The following LPIN2 variants were observed in gnomAD, a reference collection of about 807,000 sequenced individuals.
The protein encoded by LPIN2 is lipin 2, also known as phosphatidate phosphatase LPIN2.
In LPIN2, 55 loss-of-function variants were observed where a neutral mutation model predicts 111.4. That is an observed-to-expected ratio of 0.49 (90% CI 0.40 to 0.62). LPIN2 has a LOEUF of 0.62. Among genes scored for constraint, LPIN2 ranks in the 20% least tolerant of loss-of-function variants. The pLI, the probability that LPIN2 is intolerant of heterozygous loss-of-function variation, is 0.00. For synonymous variants in LPIN2, 425 were observed against 414.0 expected, an observed-to-expected ratio of 1.03 and a Z score of -0.32; for missense variants, 992 against 1,112.1, an observed-to-expected ratio of 0.89 and a Z score of 1.54.
intron 1 of LPIN2, among the ~76,000 whole-genome samples, chr18:2,976,864 A>G (rs1321452507): frequency 6.6e-6 from 1 of 152,216 alleles, no homozygotes; most frequent in African/African-American, 2.4e-5. Flanking sequence ...GAGCCTTTGG[A>G]TCCACAGATA....
intron 1 of LPIN2, among the ~76,000 whole-genome samples, chr18:2,977,914 C>T (rs1362860101): frequency 1.3e-5 from 2 of 152,008 alleles, no homozygotes; most frequent in Non-Finnish European, 2.9e-5. Flanking sequence ...GAGGAGAGGC[C>T]GGGCTCGGTG....
At chr18:2,963,553 G>A (rs1195304023) in intron 1 of LPIN2, among the ~76,000 whole-genome samples, 1 of 151,910 alleles carries the variant, frequency 6.6e-6, no homozygotes, top group Non-Finnish European at 1.5e-5. Flanking sequence ...AAATGTGGGA[G>A]GACAAAATAA....
At position 2,929,066 on chromosome 18, in the gene LPIN2, G is replaced by A. The variant is rs781071052; in HGVS notation, c.1549C>T (p.Arg517Cys). 20 of 1,560,770 alleles carry A rather than the reference G, an allele frequency of 1.3e-5. No homozygotes were observed. Among genetic ancestry groups the A allele is most frequent in the Admixed American group, 5.0e-5 (3 of 59,838 alleles). ...NPNLVIRIYN[R>C]YYNWALAAPM... ...AATTATAAAAGCAGGAGTATTTACC[G>A]ATTATATATCCTTATTACAAGGTTA... The change falls in exon 10 of 20, where the codon CGT (arginine) becomes TGT (cysteine). Residue 517 changes from arginine to cysteine, a missense_variant and splice_region_variant. Coordinates refer to ENST00000677752, the MANE Select transcript of LPIN2 (RefSeq NM_001375808.2).
chr18:2,918,422 G>A lies in LPIN2; in HGVS notation c.*1871C>T, dbSNP rs988315804. On this transcript the variant is annotated 3_prime_UTR_variant, in exon 20 of 20. Coordinates refer to ENST00000677752, the MANE Select transcript of LPIN2 (RefSeq NM_001375808.2). ...GCTCTCATTCTTCCTCTAAATAGAA[G>A]GTAGTCAAGAGGACACACAGATGGC... 5 of 152,210 alleles carry A rather than the reference G, an allele frequency of 3.3e-5. No individual in the cohort carries two copies. Among genetic ancestry groups the A allele is most frequent in the African/African-American group, 9.6e-5 (4 of 41,460 alleles). 9.4% of individuals were successfully genotyped at this position (152,210 alleles called of 1,614,324 possible).
At chr18:2,943,164 T>C (rs536016822) in intron 4 of LPIN2, among the ~76,000 whole-genome samples, 20 of 151,998 alleles carry the variant, frequency 1.3e-4, no homozygotes, top group Non-Finnish European at 2.6e-4. Context: ...TTACGGTCTG[T>C]GAATATTGCT....
At chr18:2,921,764 ATCTTTCCTTCTCCT>A in intron 17 of LPIN2, 117 bp from the exon 18 acceptor site, 1 of 825,578 alleles carries the variant, frequency 1.2e-6, no homozygotes. Context: ...TGTAACTGGA[ATCTTTCCTTCTCCT>A]TCTTTGCCAG....
chr18:2,950,937 T>C (rs1305819762), intron 4 of LPIN2, 118 bp downstream of exon 4: 1 of 1,074,338 alleles, frequency 9.3e-7, no homozygotes, highest in Non-Finnish European at 1.4e-6. Flanking sequence ...CAATAAACTG[T>C]AAAGGGGGAA....
chr18:2,930,977 C>A (rs976489602), intron 9 of LPIN2, among the ~76,000 whole-genome samples: 1 of 152,118 alleles, frequency 6.6e-6, no homozygotes, highest in East Asian at 1.9e-4. Flanking sequence ...GATGATCGCA[C>A]CCTGGCAGCT....
chr18:2,949,708 G>C lies in LPIN2; in HGVS notation c.590+1347C>G, dbSNP rs190367887. 4.6e-5 allele frequency among the ~76,000 whole-genome samples: 7 copies of C among 152,206 alleles called. No homozygotes were observed. In the East Asian group the frequency reaches 1.3e-3, roughly 29 times the overall value. ...GTTTAATTCTAAGATTTAAAATCTA[G>C]ATTTCAAAATTTTGGAAAATGAATT... On this transcript the variant is annotated intron_variant, in intron 4 of 19. Transcript: ENST00000677752.
rs1454039880 is a variant in LPIN2 at position 2,938,028 on chromosome 18, T to C, written c.832A>G (p.Arg278Gly). 1.2e-6 allele frequency: 2 copies of C among 1,613,540 alleles called. No homozygotes were observed. The highest frequency in any genetic ancestry group is 3.3e-5 in the Admixed American group (2 of 60,020). Residue 278 changes from arginine (R) to glycine (G), a missense_variant, in exon 7 of 20, where the codon AGA becomes GGA. Transcript: ENST00000677752. Reference sequence around the variant, plus strand: ...CTAGGATGATGGTCAGATCGTTCTCTTTTGCTGACCTAAAAAAGTTAAATT... The same window carrying C: ...CTAGGATGATGGTCAGATCGTTCTCCTTTGCTGACCTAAAAAAGTTAAATT... Reference protein sequence around the residue: ...GFPESTKVSKRERSDHHPRTA... With the variant: ...GFPESTKVSKGERSDHHPRTA...
At chr18:2,921,683 A>C (rs922171767) in intron 17 of LPIN2, 36 bp from the exon 18 acceptor site, 5 of 1,465,428 alleles carry the variant, frequency 3.4e-6, no homozygotes, top group Admixed American at 3.3e-5. Context: ...ACCAATCTCA[A>C]AATGGTCGTT....
intron 1 of LPIN2, among the ~76,000 whole-genome samples, chr18:2,981,305 A>G (rs936955859): frequency 1.3e-5 from 2 of 152,222 alleles, no homozygotes. Flanking sequence ...CAGGCTACTA[A>G]GCAGATATCA....
In LPIN2 at chr18:2,928,573, G is replaced by T; in HGVS notation, c.1620+18C>A. On this transcript the variant is annotated intron_variant, in intron 11 of 19. Coordinates refer to ENST00000677752, the MANE Select transcript of LPIN2 (RefSeq NM_001375808.2). ...TGCGGATGCTTTCGGAAAGGCAGCA[G>T]ATGGTGGATCGCCTCACCTTAGGCA... is the stretch of plus-strand genomic sequence containing the variant. 6.2e-7 allele frequency: 1 copy of T among 1,613,750 alleles called. No individual in the cohort carries two copies. Among genetic ancestry groups the T allele is most frequent in the Non-Finnish European group, 8.5e-7 (1 of 1,179,648 alleles).
chr18:2,958,579 C>G (rs1048634800), intron 2 of LPIN2, among the ~76,000 whole-genome samples: 8 of 152,134 alleles, frequency 5.3e-5, no homozygotes, highest in African/African-American at 1.4e-4. Flanking sequence ...AGTTTTCTCA[C>G]AGGAAAGCTG....
rs1323744102 is a variant in LPIN2, at chr18:2,954,548, C to T, written c.244G>A (p.Asp82Asn). 5.6e-6 allele frequency: 9 copies of T among 1,614,008 alleles called. No individual in the cohort carries two copies. The highest frequency in any genetic ancestry group is 7.6e-6 in the Non-Finnish European group (9 of 1,179,936). ...TCAACAAAGAAAGCTTCTCCGTTAT[C>T]ACCCAACTTCATGTGAAGATCCACT... ...SAVDLHMKLG[D>N]NGEAFFVEET... is the part of the protein sequence containing the mutation. The change falls in exon 3 of 20, where the codon GAT becomes AAT. Residue 82 changes from aspartate (D) to asparagine (N), a missense_variant. By Grantham distance (23) the Asp-to-Asn change is conservative (BLOSUM62 1). Coordinates refer to ENST00000677752, the MANE Select transcript of LPIN2 (RefSeq NM_001375808.2).
chr18:2,937,544 TAAAAAAAAA>T (rs71366618), intron 7 of LPIN2, 139 bp downstream of exon 7: 28 of 345,826 alleles, frequency 8.1e-5, no homozygotes, highest in Admixed American at 2.3e-4. Context: ...AAACTCCAGC[TAAAAAAAAA>T]AAAAAAAAAA....
chr18:2,928,640 G>A lies in LPIN2; in HGVS notation c.1571C>T (p.Ala524Val). The A allele has an allele frequency of 6.2e-7, 1 of 1,614,114 alleles. No homozygotes were observed. The highest frequency in any genetic ancestry group is 8.5e-7 in the Non-Finnish European group (1 of 1,180,004). Residue 524 changes from alanine (A) to valine (V), a missense_variant, in exon 11 of 20, where the codon GCA (alanine) becomes GTA (valine). This residue lies in a region of LPIN2 where 709 missense variants were observed against 753.2 expected (regional missense o/e 0.94). Coordinates refer to ENST00000677752, the MANE Select transcript of LPIN2 (RefSeq NM_001375808.2). ...TTGCAAGCTAAGGATCATGGGAGCT[G>A]CCAAAGCCCAGTTATAGTAACTGTG... ...IYNRYYNWAL[A>V]APMILSLQVF... is the part of the protein sequence containing the mutation.
chr18:2,939,857 T>C lies in LPIN2; in HGVS notation c.699-254A>G, dbSNP rs1334137299. ...AAACACTGTAGATTCATAATCTCAT[T>C]TGCTTTTCACAAGAAATCAATGAGA... On this transcript the variant is annotated intron_variant, in intron 5 of 19. Transcript: ENST00000677752. Among the ~76,000 whole-genome samples the C allele has an allele frequency of 2.0e-5, 3 of 152,354 alleles. No individual in the cohort carries two copies. The South Asian group carries it at 6.2e-4, about 32-fold the overall frequency.
intron 1 of LPIN2, among the ~76,000 whole-genome samples, chr18:2,989,508 T>A (rs538658421): frequency 2.0e-5 from 3 of 152,066 alleles, no homozygotes; most frequent in African/African-American, 7.2e-5. Flanking sequence ...GCAATCCCTA[T>A]CAAAATTCCA....
Sources: gnomAD v4.1 joint callset for allele counts (sites outside exome capture counted in the v4.1 genomes callset) on GRCh38, gnomAD v4.1.1 for gene constraint, gnomAD v4.1.1 regional missense constraint, MANE v1.5 for transcripts, NCBI Gene and HGNC (gene_info 2026-07-23, HGNC 2026-07-21) for gene names.